GPHN: variants seen among roughly 807,000 people sequenced by gnomAD.
GPHN encodes gephyrin.
Under a neutral mutation model 95.5 loss-of-function variants are expected in GPHN, and 17 were observed. That is an observed-to-expected ratio of 0.18 (90% confidence interval 0.12 to 0.27). The LOEUF (loss-of-function observed/expected upper bound fraction) is 0.27. Among genes scored for constraint, GPHN ranks in the 10% least tolerant of loss-of-function variants. The probability of loss-of-function intolerance (pLI) is 1.00; values close to 1 mark genes in which losing one functional copy is unlikely to be tolerated. For synonymous variants in GPHN, 320 were observed against 322.5 expected (o/e 0.99, Z 0.08); for missense variants, 660 against 978.1 (o/e 0.67, Z 4.34).
chr14:67,645,745 A>G, the GPHN span: 1 of 1,614,012 alleles, frequency 6.2e-7, no homozygotes, highest in South Asian at 1.1e-5. Flanking sequence ...TTACCACTTC[A>G]TCAGGAAATC....
intron 2 of GPHN, among the ~76,000 whole-genome samples, chr14:66,690,883 T>C (rs996767633): frequency 5.9e-5 from 9 of 152,224 alleles, no homozygotes; most frequent in African/African-American, 2.2e-4. Context: ...TGAGGATGCA[T>C]TTCTCAGAAT....
the GPHN span, chr14:67,724,661 A>G: frequency 4.2e-6 from 5 of 1,177,466 alleles, no homozygotes; most frequent in African/African-American, 1.5e-5. Context: ...GCCTCTGTCC[A>G]TATTGCTTTG....
chr14:67,333,872 C>T, the GPHN span: 5 of 152,560 alleles, frequency 3.3e-5, no homozygotes, highest in Non-Finnish European at 5.9e-5. Context: ...GAGGATAGCA[C>T]ATTTGACAGT....
the GPHN span, chr14:67,662,993 TA>T: frequency 7.1e-7 from 1 of 1,403,554 alleles, no homozygotes; most frequent in Admixed American, 3.2e-5. Context: ...TGTTAACTCG[TA>T]CACTACTTTT....
At chr14:67,321,421 C>G in the GPHN span, among the ~76,000 whole-genome samples, 1 of 152,158 alleles carries the variant, frequency 6.6e-6, no homozygotes, top group Non-Finnish European at 1.5e-5. Context: ...GTTGCTAAAT[C>G]TCTTTCAGTT....
the GPHN span, chr14:67,292,851 G>A: frequency 1.5e-6 from 1 of 654,304 alleles, no homozygotes; most frequent in South Asian, 3.3e-5. Flanking sequence ...TGTTAATAAT[G>A]TATTGTGACA....
At chr14:67,083,236 C>T (rs1038264327) in intron 11 of GPHN, among the ~76,000 whole-genome samples, 2 of 151,946 alleles carry the variant, frequency 1.3e-5, no homozygotes, top group East Asian at 1.9e-4. Flanking sequence ...TATGCCCCCC[C>T]CCCTCCAAAT....
chr14:67,235,334 G>A, the GPHN span, among the ~76,000 whole-genome samples: 3 of 152,000 alleles, frequency 2.0e-5, no homozygotes, highest in Non-Finnish European at 4.4e-5. Context: ...AACAAACTTC[G>A]TCTCCTCTTT....
intron 3 of GPHN, among the ~76,000 whole-genome samples, chr14:66,805,167 A>G (rs971791182): frequency 6.6e-6 from 1 of 152,188 alleles, no homozygotes; most frequent in African/African-American, 2.4e-5. Context: ...CACATCTTAC[A>G]TGGATGGCGG....
intron 11 of GPHN, among the ~76,000 whole-genome samples, chr14:67,066,054 G>A (rs2076044335): frequency 6.6e-6 from 1 of 152,106 alleles, no homozygotes; most frequent in African/African-American, 2.4e-5. Flanking sequence ...CAATTTGGCA[G>A]GTTTTTGCAG....
chr14:67,646,851 C>CT, the GPHN span: 4 of 1,380,386 alleles, frequency 2.9e-6, no homozygotes, highest in Admixed American at 6.8e-5. Flanking sequence ...AACCCACCCT[C>CT]TCCCCCAAAT....
the GPHN span, chr14:67,561,932 C>A: frequency 6.4e-7 from 1 of 1,562,358 alleles, no homozygotes; most frequent in Non-Finnish European, 8.8e-7. Context: ...TGTCCTAAAT[C>A]TTCATTTTTC....
At chr14:67,371,181 G>A in the GPHN span, among the ~76,000 whole-genome samples, 12,237 of 152,108 alleles carry the variant, frequency 0.08, 1,162 homozygotes, top group African/African-American at 0.23. Context: ...TTCGGATGCT[G>A]AGACAGGAGG....
At chr14:67,134,950 C>CTTTTTTTT (rs2079966122) in intron 17 of GPHN, among the ~76,000 whole-genome samples, 4 of 48,984 alleles carry the variant, frequency 8.2e-5, no homozygotes, top group South Asian at 5.3e-4. Flanking sequence ...TTCTTTCTTT[C>CTTTTTTTT]TTCTTTTTTT....
intron 5 of GPHN, among the ~76,000 whole-genome samples, chr14:66,910,234 C>T (rs2065604242): frequency 1.3e-5 from 2 of 151,848 alleles, no homozygotes; most frequent in African/African-American, 4.8e-5. Flanking sequence ...TTTAAAATTA[C>T]AAATAAAGAG....
At chr14:66,913,592 G>A (rs1330430604) in intron 5 of GPHN, among the ~76,000 whole-genome samples, 3 of 151,952 alleles carry the variant, frequency 2.0e-5, no homozygotes, top group Non-Finnish European at 2.9e-5. Context: ...CTCCCACCTC[G>A]GCTTCCCAAA....
At chr14:67,162,069 C>T (rs959272306) in intron 19 of GPHN, among the ~76,000 whole-genome samples, 1 of 152,070 alleles carries the variant, frequency 6.6e-6, no homozygotes, top group Non-Finnish European at 1.5e-5. Context: ...GAAATGGCTT[C>T]CAGAGCTTAA....
At chr14:67,047,110 A>G (rs1447713289) in intron 10 of GPHN, among the ~76,000 whole-genome samples, 1 of 152,184 alleles carries the variant, frequency 6.6e-6, no homozygotes, top group Non-Finnish European at 1.5e-5. Context: ...ATAGGAACAG[A>G]ACAAGTCTCC....
Position 66,828,585 on chromosome 14 carries a change from A to G in GPHN, c.294+4019A>G, listed in dbSNP as rs556884404. Among the ~76,000 whole-genome samples, 5 of 152,294 alleles carry G rather than the reference A, an allele frequency of 3.3e-5. No individual in the cohort carries two copies. The East Asian group carries it at 9.6e-4, about 29-fold the overall frequency. On this transcript the variant is annotated intron_variant, in intron 4 of 22. Transcript: ENST00000478722. ...TCCCTTAAAATCCTAATAATGCTTT[A>G]TAGTCGATGATTGTCAGTAATTAGC...
Sources: allele counts gnomAD v4.1 joint callset (sites outside exome capture counted in the v4.1 genomes callset), GRCh38; gene constraint gnomAD v4.1.1; transcripts MANE v1.5; gene names NCBI Gene and HGNC (gene_info 2026-07-23, HGNC 2026-07-21).